Variants in CLEC16A observed in about 807,000 individuals in gnomAD.
CLEC16A encodes C-type lectin domain containing 16A.
A neutral mutation model predicts 109.5 loss-of-function variants in CLEC16A; 51 were observed. The observed-to-expected ratio is 0.47, with a 90% confidence interval of 0.37 to 0.59. The LOEUF (loss-of-function observed/expected upper bound fraction) is 0.59. Among genes scored for constraint, CLEC16A ranks in the 20% least tolerant of loss-of-function variants. The pLI, the probability that CLEC16A is intolerant of heterozygous loss-of-function variation, is 0.00. For missense variants in CLEC16A, 1,339 were observed against 1,394.0 expected, an observed-to-expected ratio of 0.96 and a Z score of 0.63; for synonymous variants, 673 against 564.2, an observed-to-expected ratio of 1.19 and a Z score of -2.73.
chr16:11,105,336 G>A (rs1478327859), intron 19 of CLEC16A, among the ~76,000 whole-genome samples: 1 of 152,210 alleles, frequency 6.6e-6, no homozygotes, highest in Non-Finnish European at 1.5e-5. Flanking sequence ...TGAACTGCAC[G>A]TATTGAAGAA....
chr16:11,130,232 A>C (rs1373678158), intron 22 of CLEC16A, among the ~76,000 whole-genome samples: 1 of 152,136 alleles, frequency 6.6e-6, no homozygotes, highest in Non-Finnish European at 1.5e-5. Context: ...AGTATCGTTG[A>C]GTGAAGAATG....
At position 11,061,030 on chromosome 16, in the gene CLEC16A, G is replaced by C. The variant is rs2048452828; in HGVS notation, c.2116+8G>C. The C allele has an allele frequency of 2.5e-6, 4 of 1,600,274 alleles. No homozygotes were observed. The highest frequency in any genetic ancestry group is 3.4e-6 in the Non-Finnish European group (4 of 1,174,648). On this transcript the variant is annotated splice_region_variant and intron_variant, in intron 19 of 23. Coordinates refer to ENST00000409790, the MANE Select transcript of CLEC16A (RefSeq NM_015226.3). ...ATGATGTCCTGGATCTGAGTGAGTT[G>C]GCTGCTCTGAGTCACAGCAGGGGGC...
At chr16:10,948,630 T>C (rs1464034794) in intron 1 of CLEC16A, among the ~76,000 whole-genome samples, 1 of 152,206 alleles carries the variant, frequency 6.6e-6, no homozygotes, top group African/African-American at 2.4e-5. Flanking sequence ...TTCATTCTGG[T>C]CCACTTTGTG....
intron 22 of CLEC16A, among the ~76,000 whole-genome samples, chr16:11,165,845 G>A (rs1160934453): frequency 2.6e-5 from 4 of 152,184 alleles, no homozygotes; most frequent in South Asian, 2.1e-4. Context: ...CAGGGCTTTC[G>A]TTGTTCCTGA....
chr16:11,108,156 A>G (rs978223863), intron 19 of CLEC16A, among the ~76,000 whole-genome samples: 1 of 152,252 alleles, frequency 6.6e-6, no homozygotes, highest in African/African-American at 2.4e-5. Flanking sequence ...CTGAAGCACC[A>G]TGAGGGCAGG....
intron 17 of CLEC16A, 101 bp from the exon 18 acceptor site, chr16:11,051,412 T>C (rs2047933343): frequency 1.7e-6 from 2 of 1,204,260 alleles, no homozygotes; most frequent in Admixed American, 2.0e-5. Context: ...TTACATTTAC[T>C]AAATGCGGTT....
At chr16:11,120,547 C>T in intron 19 of CLEC16A, 68 bp from the exon 20 acceptor site, 1 of 1,494,096 alleles carries the variant, frequency 6.7e-7, no homozygotes, top group Non-Finnish European at 9.0e-7. Context: ...TGAGAGTCAG[C>T]TTTGGTGTCT....
rs779784210 is a variant in CLEC16A at position 11,110,760 on chromosome 16, GTTC to G, written c.2117-9849_2117-9847del. Among the ~76,000 whole-genome samples, 13 of 152,290 alleles carry G rather than the reference GTTC, an allele frequency of 8.5e-5. No homozygotes were observed. The South Asian group carries it at 1.5e-3, about 17-fold the overall frequency. The stretch of plus-strand genomic sequence containing the variant: ...TGGGCAGTCCTGCAGGTGGTTAAGT[GTTC>G]TTCTTATAAGGCAGAAACCTGAGAC... On this transcript the variant is annotated intron_variant, in intron 19 of 23. Coordinates refer to ENST00000409790, the MANE Select transcript of CLEC16A (RefSeq NM_015226.3).
intron 18 of CLEC16A, among the ~76,000 whole-genome samples, chr16:11,055,575 CTTTTTTT>C (rs71136609): frequency 3.1e-4 from 13 of 41,758 alleles, no homozygotes; most frequent in Non-Finnish European, 4.2e-4. Context: ...TTCCCTCTTG[CTTTTTTT>C]TTTTTTTTTT....
intron 15 of CLEC16A, 91 bp from the exon 16 acceptor site, chr16:11,043,937 A>T: frequency 1.0e-6 from 1 of 961,386 alleles, no homozygotes. Context: ...GATCTGTTTT[A>T]TACACACTCA....
intron 23 of CLEC16A, among the ~76,000 whole-genome samples, chr16:11,171,917 C>G (rs908716056): frequency 6.6e-6 from 1 of 151,708 alleles, no homozygotes; most frequent in Non-Finnish European, 1.5e-5. Context: ...GTCACACACA[C>G]CAGTACACAT....
At chr16:11,109,870 C>G (rs192798366) in intron 19 of CLEC16A, among the ~76,000 whole-genome samples, 198 of 152,306 alleles carry the variant, frequency 1.3e-3, no homozygotes, top group African/African-American at 4.5e-3. Context: ...AAACTCCAGC[C>G]GTAGCCTAAA....
chr16:10,965,790 C>T (rs904848986), intron 3 of CLEC16A, among the ~76,000 whole-genome samples: 2 of 152,220 alleles, frequency 1.3e-5, no homozygotes, highest in Admixed American at 6.5e-5. Context: ...AATAGAGGCA[C>T]CTCCAACTGT....
intron 3 of CLEC16A, among the ~76,000 whole-genome samples, chr16:10,963,955 C>T (rs960055273): frequency 2.9e-4 from 44 of 152,228 alleles, no homozygotes; most frequent in Non-Finnish European, 5.9e-4. Context: ...TGGTTTGGTT[C>T]CTAATCCTCC....
chr16:10,946,016 T>C (rs1426152164), intron 1 of CLEC16A, among the ~76,000 whole-genome samples: 1 of 152,060 alleles, frequency 6.6e-6, no homozygotes, highest in African/African-American at 2.4e-5. Context: ...ATGAAGAGCA[T>C]GCAGGCCAGG....
rs74163612 is a variant in CLEC16A, at chr16:11,003,175, C to G, written c.1173C>G (p.Pro391=). 20 of 1,613,290 alleles carry G rather than the reference C, an allele frequency of 1.2e-5. No homozygotes were observed. The highest frequency in any genetic ancestry group is 1.6e-5 in the Non-Finnish European group (19 of 1,179,852). The change falls in exon 11 of 24, where the codon CCC becomes CCG. Residue 391 remains proline, a synonymous_variant. Coordinates refer to ENST00000409790, the MANE Select transcript of CLEC16A (RefSeq NM_015226.3). ...GCAAGAGGCGGGTGCAAAAGAGACC[C>G]AACTACAAAAACGTTGGGGAAGAAG... ...HKGKRRVQKR[P]NYKNVGEEED... is the part of the protein sequence containing the mutation.
chr16:11,115,756 TTAA>T (rs1273973663), intron 19 of CLEC16A, among the ~76,000 whole-genome samples: 1 of 152,136 alleles, frequency 6.6e-6, no homozygotes, highest in Non-Finnish European at 1.5e-5. Context: ...ACTTCCTTTT[TTAA>T]TAATGTAGAA....
chr16:11,109,331 A>T (rs1567330175), intron 19 of CLEC16A, among the ~76,000 whole-genome samples: 1 of 151,716 alleles, frequency 6.6e-6, no homozygotes, highest in African/African-American at 2.4e-5. Context: ...TTTTTTTATT[A>T]TTTGTAAAGA....
intron 19 of CLEC16A, among the ~76,000 whole-genome samples, chr16:11,079,651 G>T (rs1469031972): frequency 6.6e-6 from 1 of 151,924 alleles, no homozygotes; most frequent in Non-Finnish European, 1.5e-5. Context: ...AATACACTTT[G>T]CATTTTTCTA....
Sources: gnomAD v4.1 joint callset for allele counts (sites outside exome capture counted in the v4.1 genomes callset) on GRCh38, gnomAD v4.1.1 for gene constraint, MANE v1.5 for transcripts, NCBI Gene and HGNC (gene_info 2026-07-23, HGNC 2026-07-21) for gene names.